The following ITGA8 variants were observed in gnomAD, a reference collection of about 807,000 sequenced individuals.
ITGA8 encodes integrin subunit alpha 8.
A neutral mutation model predicts 142.3 loss-of-function variants in ITGA8; 91 were observed. That is an observed-to-expected ratio of 0.64 (90% CI 0.54 to 0.76). The LOEUF (loss-of-function observed/expected upper bound fraction) is 0.76, where lower values mean the gene tolerates loss of function less well. Among genes scored for constraint, ITGA8 ranks in the 30% least tolerant of loss-of-function variants. ITGA8 has a pLI of 0.00. For missense variants in ITGA8, 1,406 were observed against 1,327.7 expected, an observed-to-expected ratio of 1.06 and a Z score of -0.92; for synonymous variants, 505 against 485.2, an observed-to-expected ratio of 1.04 and a Z score of -0.54.
intron 23 of ITGA8, among the ~76,000 whole-genome samples, chr10:15,578,849 A>G (rs1198008362): frequency 6.6e-6 from 1 of 152,126 alleles, no homozygotes; most frequent in Non-Finnish European, 1.5e-5. Flanking sequence ...TTTACTTCTC[A>G]CAGACATGTG....
chr10:15,531,965 A>T (rs1203168376), intron 27 of ITGA8, among the ~76,000 whole-genome samples: 3 of 144,050 alleles, frequency 2.1e-5, no homozygotes, highest in African/African-American at 7.6e-5. Context: ...AAAAAATCGT[A>T]GTATATTTCA....
At chr10:15,673,272 A>G (rs1264949190) in intron 6 of ITGA8, among the ~76,000 whole-genome samples, 1 of 152,074 alleles carries the variant, frequency 6.6e-6, no homozygotes, top group Non-Finnish European at 1.5e-5. Context: ...TGTAGTAGAG[A>G]CGCAGTTTCA....
chr10:15,530,287 C>T (rs920203986), intron 28 of ITGA8, among the ~76,000 whole-genome samples: 19 of 152,234 alleles, frequency 1.2e-4, no homozygotes, highest in African/African-American at 4.3e-4. Context: ...GTGGCTTATG[C>T]CTGTAATCCC....
chr10:15,697,570 A>G (rs1337845783), intron 2 of ITGA8, among the ~76,000 whole-genome samples: 1 of 152,222 alleles, frequency 6.6e-6, no homozygotes, highest in Non-Finnish European at 1.5e-5. Flanking sequence ...AGGCTTTGCA[A>G]ACTGTATAAT....
rs77374750 is a variant in ITGA8, at chr10:15,644,699, C to G, written c.1208-478G>C. Among the ~76,000 whole-genome samples the G allele has an allele frequency of 1.6e-3, 244 of 150,184 alleles. 1 individual carries two copies. Among genetic ancestry groups the G allele is most frequent in the African/African-American group, 5.8e-3 (236 of 40,898 alleles). On this transcript the variant is annotated intron_variant, in intron 12 of 29. Coordinates refer to ENST00000378076, the MANE Select transcript of ITGA8 (RefSeq NM_003638.3). ...GTTTAGTATACTCAAAAAGCAGTAT[C>G]GAAACTCTAAAGGGCTTATAATGTT...
chr10:15,628,356 T>C (rs1238327316), intron 13 of ITGA8, among the ~76,000 whole-genome samples: 1 of 107,666 alleles, frequency 9.3e-6, no homozygotes, highest in Non-Finnish European at 1.7e-5. Context: ...TTTTTTGAGA[T>C]GGAGTCTCGC....
intron 2 of ITGA8, among the ~76,000 whole-genome samples, chr10:15,713,511 G>T (rs1332610938): frequency 6.6e-6 from 1 of 152,108 alleles, no homozygotes; most frequent in Non-Finnish European, 1.5e-5. Context: ...TATTTCCTCT[G>T]TCATTTACTT....
intron 6 of ITGA8, among the ~76,000 whole-genome samples, chr10:15,673,619 A>G (rs755978230): frequency 6.6e-6 from 1 of 152,374 alleles, no homozygotes; most frequent in Non-Finnish European, 1.5e-5. Flanking sequence ...TCTAAATCAC[A>G]TATCTGATTA....
chr10:15,572,116 G>A (rs756026188), intron 25 of ITGA8, 95 bp downstream of exon 25: 26 of 1,085,642 alleles, frequency 2.4e-5, no homozygotes, highest in Non-Finnish European at 3.2e-5. Flanking sequence ...AACTTAAAAC[G>A]ATTTCACTCT....
intron 5 of ITGA8, among the ~76,000 whole-genome samples, chr10:15,678,302 C>T (rs1035712010): frequency 2.6e-5 from 4 of 152,068 alleles, no homozygotes; most frequent in African/African-American, 9.7e-5. Flanking sequence ...CTGAACATCT[C>T]TTTTTAATTT....
chr10:15,638,360 T>C (rs1430477438), intron 13 of ITGA8, among the ~76,000 whole-genome samples: 1 of 152,218 alleles, frequency 6.6e-6, no homozygotes. Context: ...CAGGTTGTGT[T>C]AAGAATACGT....
chr10:15,647,489 T>C (rs565388688), intron 11 of ITGA8, among the ~76,000 whole-genome samples: 1 of 130,828 alleles, frequency 7.6e-6, no homozygotes, highest in South Asian at 2.5e-4. Context: ...GGAGTCTCGC[T>C]CTGTCGCCCA....
At chr10:15,637,747 C>T (rs906641908) in intron 13 of ITGA8, among the ~76,000 whole-genome samples, 1 of 151,860 alleles carries the variant, frequency 6.6e-6, no homozygotes, top group African/African-American at 2.4e-5. Context: ...CCTGCCCTGG[C>T]CTGCCAAAGT....
chr10:15,597,152 T>C, intron 21 of ITGA8, 55 bp downstream of exon 21: 1 of 1,379,278 alleles, frequency 7.3e-7, no homozygotes, highest in East Asian at 2.3e-5. Context: ...TTCCATTTGT[T>C]CCCTGTGAAG....
chr10:15,662,326 C>CTTTTTT (rs200922550), intron 8 of ITGA8, among the ~76,000 whole-genome samples: 963 of 72,652 alleles, frequency 0.013, 49 homozygotes, highest in Non-Finnish European at 0.015. Flanking sequence ...TCAGAAGGTC[C>CTTTTTT]TTTTTTTTTT....
chr10:15,719,458 G>T, intron 1 of ITGA8, 105 bp downstream of exon 1: 2 of 1,043,888 alleles, frequency 1.9e-6, no homozygotes, highest in South Asian at 1.7e-5. Context: ...GCAGGCGGCA[G>T]GACGGGGATC....
Position 15,608,271 on chromosome 10 carries a change from C to G in ITGA8, c.1573G>C (p.Ala525Pro). ...GCAATGCTCTGGCCTGTGACAGATG[C>G]ACATACTCTTAAAGAAAAGCTATAG... ...SAACFSLRVC[A>P]SVTGQSIANT... The change falls in exon 16 of 30, where the codon GCA becomes CCA. Residue 525 changes from alanine to proline, a missense_variant. By Grantham distance (27) the Ala-to-Pro change is conservative. Transcript: ENST00000378076. The G allele has an allele frequency of 6.3e-7, 1 of 1,592,958 alleles. No homozygotes were observed. The highest frequency in any genetic ancestry group is 1.1e-5 in the South Asian group (1 of 87,194).
At chr10:15,655,905 G>T (rs1359959716) in intron 10 of ITGA8, among the ~76,000 whole-genome samples, 1 of 152,096 alleles carries the variant, frequency 6.6e-6, no homozygotes, top group East Asian at 1.9e-4. Context: ...TGGCAATATG[G>T]TGAGACCTCA....
intron 2 of ITGA8, among the ~76,000 whole-genome samples, chr10:15,689,091 C>T (rs138958342): frequency 2.2e-4 from 34 of 152,250 alleles, no homozygotes; most frequent in African/African-American, 8.2e-4. Flanking sequence ...ATAGAATGCC[C>T]TAAAGATTTC....
Sources: gnomAD v4.1 joint callset for allele counts (sites outside exome capture counted in the v4.1 genomes callset) on GRCh38, gnomAD v4.1.1 for gene constraint, MANE v1.5 for transcripts, NCBI Gene and HGNC (gene_info 2026-07-23, HGNC 2026-07-21) for gene names.